The following PSMA8 variants were observed in gnomAD, a reference collection of about 807,000 sequenced individuals.
PSMA8 encodes the protein proteasome 20S subunit alpha 8.
In PSMA8, 18 loss-of-function variants were observed where a neutral mutation model predicts 32.4. That is an observed-to-expected ratio of 0.56 (90% confidence interval 0.38 to 0.82). The LOEUF (loss-of-function observed/expected upper bound fraction) is 0.82, where lower values mean the gene tolerates loss of function less well. Among genes scored for constraint, PSMA8 ranks in the 40% least tolerant of loss-of-function variants. PSMA8 has a pLI of 0.00. For missense variants in PSMA8, 298 were observed against 300.7 expected (o/e 0.99, Z 0.07); for synonymous variants, 104 against 98.1 (o/e 1.06, Z -0.36).
At chr18:26,165,150 C>T (rs1236429353) in intron 4 of PSMA8, among the ~76,000 whole-genome samples, 1 of 152,094 alleles carries the variant, frequency 6.6e-6, no homozygotes, top group East Asian at 1.9e-4. Context: ...CTCAAGCAAT[C>T]CACCCACCTC....
At chr18:26,144,222 T>C (rs1007048174) in intron 1 of PSMA8, among the ~76,000 whole-genome samples, 7 of 152,212 alleles carry the variant, frequency 4.6e-5, no homozygotes, top group Non-Finnish European at 2.9e-5. Flanking sequence ...CATTTGCTTA[T>C]AGTTGCAATT....
chr18:26,146,696 G>A (rs890330367), intron 2 of PSMA8, among the ~76,000 whole-genome samples: 1 of 152,310 alleles, frequency 6.6e-6, no homozygotes, highest in Admixed American at 6.5e-5. Flanking sequence ...CCAGCAGGTT[G>A]AGGCTGCAGT....
chr18:26,158,394 A>G (rs527465603), intron 4 of PSMA8, 150 bp downstream of exon 4: 32 of 686,244 alleles, frequency 4.7e-5, no homozygotes, highest in Middle Eastern at 4.0e-4. Context: ...AACTACAATG[A>G]TTTTGGTTGG....
intron 2 of PSMA8, 40 bp from the exon 3 acceptor site, chr18:26,151,818 T>C: frequency 6.4e-7 from 1 of 1,558,366 alleles, no homozygotes; most frequent in Non-Finnish European, 8.7e-7. Flanking sequence ...GTAAAAAATA[T>C]GTTTTTGTGG....
At chr18:26,177,939 C>G (rs2055276843) in intron 4 of PSMA8, among the ~76,000 whole-genome samples, 1 of 152,164 alleles carries the variant, frequency 6.6e-6, no homozygotes, top group Admixed American at 6.5e-5. Flanking sequence ...CTGAGCCAGT[C>G]ACAGTGGCTC....
chr18:26,164,873 TGAG>T, intron 4 of PSMA8, among the ~76,000 whole-genome samples: 1 of 152,246 alleles, frequency 6.6e-6, no homozygotes, highest in East Asian at 1.9e-4. Flanking sequence ...GGGTTTTTGT[TGAG>T]GGGGGAGGGT....
chr18:26,170,750 T>C (rs1312380331), intron 4 of PSMA8: 1 of 1,536,388 alleles, frequency 6.5e-7, no homozygotes, highest in East Asian at 2.4e-5. Flanking sequence ...ATACTTCAAA[T>C]TTGTACTTAA....
intron 4 of PSMA8, among the ~76,000 whole-genome samples, chr18:26,174,712 T>G (rs1018550771): frequency 1.3e-5 from 2 of 152,248 alleles, no homozygotes; most frequent in African/African-American, 4.8e-5. Context: ...CGTCGTATAC[T>G]TCTGAGCAAT....
intron 6 of PSMA8, among the ~76,000 whole-genome samples, chr18:26,186,749 G>A (rs770373144): frequency 1.4e-4 from 21 of 152,290 alleles, no homozygotes; most frequent in South Asian, 2.1e-4. Flanking sequence ...CTGGCATTAT[G>A]CTGGATTAGA....
intron 4 of PSMA8, among the ~76,000 whole-genome samples, chr18:26,164,863 G>A (rs2055165148): frequency 6.6e-6 from 1 of 151,938 alleles, no homozygotes; most frequent in Non-Finnish European, 1.5e-5. Context: ...ACAACTTTGT[G>A]GGTTTTTGTT....
intron 4 of PSMA8, among the ~76,000 whole-genome samples, chr18:26,177,113 G>T (rs914288167): frequency 6.6e-6 from 1 of 152,132 alleles, no homozygotes; most frequent in African/African-American, 2.4e-5. Flanking sequence ...TCAGACCACG[G>T]TTTCAAAGCT....
intron 6 of PSMA8, among the ~76,000 whole-genome samples, chr18:26,190,229 C>T (rs868293498): frequency 5.3e-5 from 8 of 152,032 alleles, no homozygotes; most frequent in African/African-American, 1.9e-4. Flanking sequence ...TTTGATAACA[C>T]AACAGGGTAA....
chr18:26,170,951 C>T lies in PSMA8; in HGVS notation c.478-7879C>T. On this transcript the variant is annotated intron_variant, in intron 4 of 6. Coordinates refer to ENST00000415576, the MANE Select transcript of PSMA8 (RefSeq NM_001025096.2). Reference sequence around the variant, plus strand: ...CAGAACTGCCACCAACTATCCAGACCATGTCTACTTTATTTGCTAATTCTG... The same window carrying T: ...CAGAACTGCCACCAACTATCCAGACTATGTCTACTTTATTTGCTAATTCTG... 2 of 1,557,058 alleles carry T rather than the reference C, an allele frequency of 1.3e-6. 1 individual carries two copies. Among genetic ancestry groups the T allele is most frequent in the Non-Finnish European group, 1.7e-6 (2 of 1,168,060 alleles).
chr18:26,166,982 A>G (rs1308068901), intron 4 of PSMA8, among the ~76,000 whole-genome samples: 1 of 152,210 alleles, frequency 6.6e-6, no homozygotes, highest in African/African-American at 2.4e-5. Flanking sequence ...TCAGTAAACC[A>G]GTTTTCCAAA....
At chr18:26,180,185 G>A (rs891245674) in intron 6 of PSMA8, among the ~76,000 whole-genome samples, 47 of 152,122 alleles carry the variant, frequency 3.1e-4, no homozygotes, top group Admixed American at 1.3e-3. Context: ...CCCGGGAGGC[G>A]GAAGTTGCAG....
intron 4 of PSMA8, among the ~76,000 whole-genome samples, chr18:26,163,213 GTATATATATATATATATA>G (rs58945617): frequency 0.028 from 2,229 of 80,892 alleles, 85 homozygotes; most frequent in Non-Finnish European, 0.034. Context: ...ATGTGTGTGT[GTATATATATATATATATA>G]TATATATATA....
At chr18:26,147,979 G>T (rs2144286293) in intron 2 of PSMA8, among the ~76,000 whole-genome samples, 1 of 152,164 alleles carries the variant, frequency 6.6e-6, no homozygotes, top group Non-Finnish European at 1.5e-5. Flanking sequence ...TGCTCAATAA[G>T]ATATATTAAT....
rs189660870 is a variant in PSMA8 at position 26,157,007 on chromosome 18, A to C, written c.355-1115A>C. Reference sequence around the variant, plus strand: ...CCTATGTTGCCCAGGCTGGTCACGAACTGCTGGGCTCAAGCGATCTGCCTG... The same window carrying C: ...CCTATGTTGCCCAGGCTGGTCACGACCTGCTGGGCTCAAGCGATCTGCCTG... On this transcript the variant is annotated intron_variant, in intron 3 of 6. Transcript: ENST00000415576. Among the ~76,000 whole-genome samples, 508 of 151,216 alleles carry C rather than the reference A, an allele frequency of 3.4e-3. 3 individuals are homozygous for C. The highest frequency in any genetic ancestry group is 0.011 in the African/African-American group (476 of 41,438).
chr18:26,135,447 T>A (rs894484304), intron 1 of PSMA8, among the ~76,000 whole-genome samples: 2 of 151,936 alleles, frequency 1.3e-5, no homozygotes, highest in African/African-American at 4.8e-5. Flanking sequence ...ATCTAACAGA[T>A]GTAAGTGGTA....
Sources: allele counts gnomAD v4.1 joint callset (sites outside exome capture counted in the v4.1 genomes callset), GRCh38; gene constraint gnomAD v4.1.1; transcripts MANE v1.5; gene names NCBI Gene and HGNC (gene_info 2026-07-23, HGNC 2026-07-21).